NSUN3: variants seen among roughly 807,000 people sequenced by gnomAD.
NSUN3 encodes the protein tRNA (cytosine(34)-C(5))-methyltransferase, mitochondrial.
NSUN3 carries 24 observed loss-of-function variants against 36.8 expected under a neutral mutation model. The ratio of observed to expected loss-of-function variants is 0.65; its 90% CI spans 0.47 to 0.92. The LOEUF is 0.92. NSUN3 is among the 40% of genes least tolerant of loss of function. The probability of loss-of-function intolerance (pLI) is 0.00; values close to 1 mark genes in which losing one functional copy is unlikely to be tolerated. For missense variants in NSUN3, 381 were observed against 392.8 expected (o/e 0.97, Z 0.25); for synonymous variants, 146 against 145.2 (o/e 1.01, Z -0.04).
intron 2 of NSUN3, among the ~76,000 whole-genome samples, chr3:94,065,793 T>C (rs1330055584): frequency 2.0e-5 from 3 of 152,220 alleles, no homozygotes; most frequent in Non-Finnish European, 4.4e-5. Context: ...TAATAAAGTA[T>C]GTAATAAATT....
intron 2 of NSUN3, among the ~76,000 whole-genome samples, chr3:94,079,343 C>G (rs1039895410): frequency 1.1e-4 from 16 of 152,196 alleles, no homozygotes; most frequent in Admixed American, 8.5e-4. Flanking sequence ...CAACCTTTCT[C>G]TCTGGCTGCC....
intron 5 of NSUN3, among the ~76,000 whole-genome samples, chr3:94,099,447 G>A (rs1182244537): frequency 1.3e-5 from 2 of 152,008 alleles, no homozygotes; most frequent in African/African-American, 4.8e-5. Flanking sequence ...AATTGGCAGG[G>A]CACAAAACTG....
chr3:94,068,447 C>G (rs1225524825), intron 2 of NSUN3, among the ~76,000 whole-genome samples: 1 of 152,090 alleles, frequency 6.6e-6, no homozygotes, highest in Non-Finnish European at 1.5e-5. Context: ...TTTTGAAGAA[C>G]CAATACCTTG....
Position 94,116,985 on chromosome 3 carries a change from C to CTTTTTTTTTTTTTTTTTTTT in NSUN3, c.744-9216_744-9197dup, listed in dbSNP as rs60234250. Among the ~76,000 whole-genome samples, 2 of 63,958 alleles carry CTTTTTTTTTTTTTTTTTTTT rather than the reference C, an allele frequency of 3.1e-5. 1 individual carries two copies. The allele number at this position is 63,958 out of a possible 152,430, so 42.0% of individuals were successfully genotyped here. A position where few individuals can be genotyped will look rare whatever the true frequency, so the allele number is the denominator to read the frequency against. ...TTTAAGCCAAGTGAATCTGCCACAA[C>CTTTTTTTTTTTTTTTTTTTT]TTTTTTTTTTTTTTTTTTTTTTTTT... On this transcript the variant is annotated intron_variant, in intron 5 of 5. Coordinates refer to ENST00000314622, the MANE Select transcript of NSUN3 (RefSeq NM_022072.5).
intron 2 of NSUN3, among the ~76,000 whole-genome samples, chr3:94,081,143 C>G (rs1237173957): frequency 1.3e-5 from 2 of 152,138 alleles, no homozygotes; most frequent in Non-Finnish European, 2.9e-5. Flanking sequence ...TCCCTCATGG[C>G]TTCCCTTGGG....
At chr3:94,105,481 T>C (rs2077385162) in intron 5 of NSUN3, among the ~76,000 whole-genome samples, 2 of 152,226 alleles carry the variant, frequency 1.3e-5, no homozygotes, top group Admixed American at 6.5e-5. Context: ...GTCTGGCTAC[T>C]GCAGGAGTCA....
intron 5 of NSUN3, among the ~76,000 whole-genome samples, chr3:94,123,923 A>G (rs981846167): frequency 1.3e-5 from 2 of 151,926 alleles, no homozygotes; most frequent in Non-Finnish European, 2.9e-5. Context: ...TATTTTCTTC[A>G]TAGTTATCTA....
In NSUN3 at chr3:94,129,538, G is replaced by A. The variant is rs903786703; in HGVS notation, c.*3048G>A. Among the ~76,000 whole-genome samples, 3 of 151,796 alleles carry A rather than the reference G, an allele frequency of 2.0e-5. No homozygotes were observed. Among genetic ancestry groups the A allele is most frequent in the Non-Finnish European group, 1.5e-5 (1 of 67,968 alleles). ...ATGTAGGCTGAAAAACTACCTATTGGGTACTGCACTCACTACCTGGGTGAC... is the reference window on the plus strand; with the variant it reads ...ATGTAGGCTGAAAAACTACCTATTGAGTACTGCACTCACTACCTGGGTGAC... On this transcript the variant is annotated 3_prime_UTR_variant, in exon 6 of 6. Coordinates refer to ENST00000314622, the MANE Select transcript of NSUN3 (RefSeq NM_022072.5).
At position 94,131,319 on chromosome 3, in the gene NSUN3, G is replaced by A. The variant is rs1016407940; in HGVS notation, c.*4829G>A. Among the ~76,000 whole-genome samples, 2 of 152,154 alleles carry A rather than the reference G, an allele frequency of 1.3e-5. No homozygotes were observed. Among genetic ancestry groups the A allele is most frequent in the African/African-American group, 4.8e-5 (2 of 41,440 alleles). On this transcript the variant is annotated 3_prime_UTR_variant, in exon 6 of 6. Transcript: ENST00000314622. ...TAATATTTCATAGTTAAAGGGTAGAGCCGCGATCAAAACTGGCTCCGAGGT... is the reference window on the plus strand; with the variant it reads ...TAATATTTCATAGTTAAAGGGTAGAACCGCGATCAAAACTGGCTCCGAGGT...
chr3:94,112,631 G>T (rs1011797856), intron 5 of NSUN3, among the ~76,000 whole-genome samples: 2 of 152,142 alleles, frequency 1.3e-5, no homozygotes, highest in African/African-American at 4.8e-5. Flanking sequence ...CAACTAGTAG[G>T]AAGGAGTCAA....
Position 94,095,107 on chromosome 3 carries a change from G to A in NSUN3, c.696G>A (p.Arg232=), listed in dbSNP as rs770683801. The A allele has an allele frequency of 2.5e-5, 41 of 1,613,762 alleles. No homozygotes were observed. Among genetic ancestry groups the A allele is most frequent in the Non-Finnish European group, 3.5e-5 (41 of 1,179,854 alleles). ...CTGACTCTCAGAAGGCATCCTGTAG[G>A]ATAAGTCAAAGGAGGAATTTGCCTC... The part of the protein sequence containing the change: ...FSSDSQKASC[R]ISQRRNLPLL... Residue 232 remains arginine, a synonymous_variant, in exon 5 of 6, where the codon AGG becomes AGA. Transcript: ENST00000314622.
In NSUN3 at chr3:94,131,223, T is replaced by G. The variant is rs1431121244; in HGVS notation, c.*4733T>G. On this transcript the variant is annotated 3_prime_UTR_variant, in exon 6 of 6. Transcript: ENST00000314622. The stretch of plus-strand genomic sequence containing the variant: ...GTGAGCCATTGTGCTCGGCCTCATA[T>G]ATTATTAGTTGTAAAAAAGGATGCA... Among the ~76,000 whole-genome samples, 1 of 152,080 alleles carries G rather than the reference T, an allele frequency of 6.6e-6. No individual in the cohort carries two copies. Among genetic ancestry groups the G allele is most frequent in the Non-Finnish European group, 1.5e-5 (1 of 68,004 alleles).
rs1170538592 is a variant in NSUN3, at chr3:94,130,025, A to T, written c.*3535A>T. The stretch of plus-strand genomic sequence containing the variant: ...TGCCTCAGCCTCCCAAAGTGCTGGG[A>T]TTACAGGCGTGAGCCACCACACCCA... On this transcript the variant is annotated 3_prime_UTR_variant, in exon 6 of 6. Coordinates refer to ENST00000314622, the MANE Select transcript of NSUN3 (RefSeq NM_022072.5). 6.6e-6 allele frequency among the ~76,000 whole-genome samples: 1 copy of T among 152,114 alleles called. No homozygotes were observed. Among genetic ancestry groups the T allele is most frequent in the Non-Finnish European group, 1.5e-5 (1 of 68,016 alleles).
chr3:94,080,943 G>A (rs190393140), intron 2 of NSUN3, among the ~76,000 whole-genome samples: 18 of 152,256 alleles, frequency 1.2e-4, no homozygotes, highest in African/African-American at 3.9e-4. Flanking sequence ...TGCTTCAGGC[G>A]CCACTGGGGT....
chr3:94,114,445 C>T (rs1331774674), intron 5 of NSUN3, among the ~76,000 whole-genome samples: 1 of 152,104 alleles, frequency 6.6e-6, no homozygotes, highest in East Asian at 1.9e-4. Flanking sequence ...GTGAAGTGCT[C>T]TTTAACTAGA....
At chr3:94,089,907 G>A (rs563250627) in intron 3 of NSUN3, among the ~76,000 whole-genome samples, 2 of 152,190 alleles carry the variant, frequency 1.3e-5, no homozygotes, top group East Asian at 1.9e-4. Context: ...TGAAGTTGCT[G>A]CAGACCCATA....
chr3:94,096,161 T>C (rs1054580939), intron 5 of NSUN3, among the ~76,000 whole-genome samples: 1 of 152,160 alleles, frequency 6.6e-6, no homozygotes, highest in Non-Finnish European at 1.5e-5. Context: ...AGTATGCATT[T>C]CCAACTTCTG....
chr3:94,078,833 A>G (rs2077256802), intron 2 of NSUN3, among the ~76,000 whole-genome samples: 1 of 152,176 alleles, frequency 6.6e-6, no homozygotes, highest in Admixed American at 6.5e-5. Flanking sequence ...GTGTCTCTGC[A>G]TGCGAGATGG....
At chr3:94,081,364 C>A (rs1182339670) in intron 2 of NSUN3, among the ~76,000 whole-genome samples, 1 of 152,140 alleles carries the variant, frequency 6.6e-6, no homozygotes, top group Non-Finnish European at 1.5e-5. Context: ...GGCCATCTTG[C>A]CAAAAATCCT....
Sources: gnomAD v4.1 joint callset for allele counts (sites outside exome capture counted in the v4.1 genomes callset) on GRCh38, gnomAD v4.1.1 for gene constraint, MANE v1.5 for transcripts, NCBI Gene and HGNC (gene_info 2026-07-23, HGNC 2026-07-21) for gene names.